Variants in INTS8 observed in about 807,000 individuals in gnomAD.
INTS8 encodes the protein integrator complex subunit 8, also known as protein kaonashi-1.
INTS8 carries 47 observed loss-of-function variants against 138.9 expected under a neutral mutation model. That is an observed-to-expected ratio of 0.34 (90% CI 0.27 to 0.43). The LOEUF (loss-of-function observed/expected upper bound fraction) is 0.43. Among genes scored for constraint, INTS8 ranks in the 20% least tolerant of loss-of-function variants. The probability of loss-of-function intolerance (pLI) is 1.00; values close to 1 mark genes in which losing one functional copy is unlikely to be tolerated. For missense variants in INTS8, 996 were observed against 1,173.0 expected (o/e 0.85, Z 2.20); for synonymous variants, 392 against 400.9 (o/e 0.98, Z 0.27).
intron 6 of INTS8, among the ~76,000 whole-genome samples, chr8:94,833,032 CT>C (rs945608953): frequency 8.1e-5 from 12 of 148,976 alleles, no homozygotes; most frequent in South Asian, 2.1e-4. Flanking sequence ...CTCTCTCTCT[CT>C]TTTTTTTTTA....
chr8:94,879,152 C>T (rs1363390264), intron 26 of INTS8, among the ~76,000 whole-genome samples: 23 of 152,210 alleles, frequency 1.5e-4, no homozygotes, highest in Admixed American at 1.5e-3. Context: ...TCTGGTTATA[C>T]TCTACTACCA....
intron 2 of INTS8, among the ~76,000 whole-genome samples, chr8:94,826,349 T>C (rs1027783502): frequency 3.3e-5 from 5 of 152,144 alleles, no homozygotes; most frequent in South Asian, 2.1e-4. Flanking sequence ...TGGCGCGATA[T>C]TCGCTCACTG....
At chr8:94,832,604 G>C (rs530145522) in intron 6 of INTS8, among the ~76,000 whole-genome samples, 1 of 152,080 alleles carries the variant, frequency 6.6e-6, no homozygotes, top group African/African-American at 2.4e-5. Context: ...TGGGCCCCTT[G>C]TTCCTTTCAC....
At chr8:94,866,985 T>G in intron 18 of INTS8, 155 bp from the exon 19 acceptor site, 2 of 583,062 alleles carry the variant, frequency 3.4e-6, no homozygotes, top group Non-Finnish European at 6.0e-6. Context: ...ATTAAAAAGT[T>G]GATTTTTAGT....
intron 21 of INTS8, 67 bp downstream of exon 21, chr8:94,872,069 A>AT (rs945614879): frequency 5.4e-6 from 4 of 742,298 alleles, no homozygotes; most frequent in Non-Finnish European, 9.4e-6. Flanking sequence ...AAGTAAATAT[A>AT]TAACCTATTT....
At chr8:94,847,452 G>C (rs1239952207) in intron 10 of INTS8, among the ~76,000 whole-genome samples, 1 of 152,064 alleles carries the variant, frequency 6.6e-6, no homozygotes, top group African/African-American at 2.4e-5. Flanking sequence ...GGAAAAGTTT[G>C]TGTAAAAATG....
intron 10 of INTS8, among the ~76,000 whole-genome samples, chr8:94,846,525 C>G (rs1167009961): frequency 2.0e-5 from 3 of 152,194 alleles, no homozygotes; most frequent in Non-Finnish European, 2.9e-5. Flanking sequence ...CCACCCGCCT[C>G]AGCCTCCCAG....
At chr8:94,867,251 C>T in intron 19 of INTS8, 25 bp from the exon 20 acceptor site, 1 of 1,600,820 alleles carries the variant, frequency 6.2e-7, no homozygotes, top group Non-Finnish European at 8.5e-7. Context: ...CTTTGTAAAT[C>T]ACACCTTTTT....
At position 94,880,243 on chromosome 8, in the gene INTS8, A is replaced by T. The variant is rs752360652; in HGVS notation, c.*9A>T. On this transcript the variant is annotated 3_prime_UTR_variant, in exon 27 of 27. Transcript: ENST00000523731. Reference sequence around the variant, plus strand: ...CAAAACTTTACTTTTAAGCAGTTAAATTTTTTTAACTTTTATTTTTTAAAC... The same window carrying T: ...CAAAACTTTACTTTTAAGCAGTTAATTTTTTTTAACTTTTATTTTTTAAAC... 70 of 1,504,392 alleles carry T rather than the reference A, an allele frequency of 4.7e-5. No homozygotes were observed. The Middle Eastern group carries it at 6.9e-4, about 15-fold the overall frequency. 93.2% of individuals were successfully genotyped at this position (1,504,392 alleles called of 1,614,324 possible). A position where few individuals can be genotyped will look rare whatever the true frequency, so the allele number is the denominator to read the frequency against.
At chr8:94,876,767 G>T in intron 26 of INTS8, 1 of 299,250 alleles carries the variant, frequency 3.3e-6, no homozygotes, top group Non-Finnish European at 6.1e-6. Flanking sequence ...GCTTTATAAG[G>T]CTATATACAA....
chr8:94,832,897 G>A (rs1305971692), intron 6 of INTS8, among the ~76,000 whole-genome samples: 2 of 151,988 alleles, frequency 1.3e-5, no homozygotes, highest in South Asian at 2.1e-4. Context: ...CTCGTGATCC[G>A]CCCGCCTCGG....
chr8:94,863,858 T>G (rs947446002), intron 16 of INTS8, among the ~76,000 whole-genome samples: 1 of 152,228 alleles, frequency 6.6e-6, no homozygotes, highest in African/African-American at 2.4e-5. Context: ...AAGAGTATTT[T>G]AGGTAAGCTT....
chr8:94,824,788 C>A, intron 1 of INTS8, 105 bp from the exon 2 acceptor site: 1 of 103,266 alleles, frequency 9.7e-6, no homozygotes, highest in Non-Finnish European at 2.0e-5. Flanking sequence ...CCAAACTCCC[C>A]CCCCCCCCAC....
chr8:94,869,504 A>T (rs1475876015), intron 20 of INTS8, among the ~76,000 whole-genome samples: 1 of 150,224 alleles, frequency 6.7e-6, no homozygotes, highest in Non-Finnish European at 1.5e-5. Flanking sequence ...TTTTATTTTT[A>T]TTTTTTGAGA....
intron 15 of INTS8, among the ~76,000 whole-genome samples, chr8:94,857,630 C>T (rs935195861): frequency 6.6e-6 from 1 of 152,224 alleles, no homozygotes; most frequent in African/African-American, 2.4e-5. Context: ...CTTGCGTCTT[C>T]CTAGCTTCTG....
chr8:94,870,082 T>C (rs900492573), intron 20 of INTS8, among the ~76,000 whole-genome samples: 26 of 151,844 alleles, frequency 1.7e-4, no homozygotes, highest in Non-Finnish European at 2.9e-4. Context: ...GATGGAGTCT[T>C]GCTATGTCAC....
rs1816208010 is a variant in INTS8, at chr8:94,867,156, C to T, written c.2312C>T (p.Thr771Ile). The part of the protein sequence containing the change: ...IKKLREPLVL[T>I]IILSLFVKLH... Reference sequence around the variant, plus strand: ...TTCTCATAGGAACCACTCGTTTTGACTATTATTTTATCACTCTTTGTGAAA... The same window carrying T: ...TTCTCATAGGAACCACTCGTTTTGATTATTATTTTATCACTCTTTGTGAAA... The change falls in exon 19 of 27, where the codon ACT (threonine) becomes ATT (isoleucine). Residue 771 changes from threonine to isoleucine, a missense_variant. Physicochemically the swap from Thr to Ile is moderately conservative, Grantham distance 89. Coordinates refer to ENST00000523731, the MANE Select transcript of INTS8 (RefSeq NM_017864.4). 8 of 1,609,022 alleles carry T rather than the reference C, an allele frequency of 5.0e-6. No homozygotes were observed. The highest frequency in any genetic ancestry group is 6.8e-6 in the Non-Finnish European group (8 of 1,176,802).
intron 15 of INTS8, among the ~76,000 whole-genome samples, chr8:94,857,815 A>G (rs564195983): frequency 2.6e-4 from 39 of 152,344 alleles, no homozygotes; most frequent in African/African-American, 9.1e-4. Flanking sequence ...TGCAAAGACT[A>G]TTTCCAAATA....
intron 11 of INTS8, 151 bp from the exon 12 acceptor site, chr8:94,849,765 A>G (rs1217025821): frequency 1.6e-6 from 1 of 611,606 alleles, no homozygotes; most frequent in African/African-American, 1.9e-5. Flanking sequence ...ATAAGGACCA[A>G]AGGGAAATTT....
Sources: gnomAD v4.1 joint callset for allele counts (sites outside exome capture counted in the v4.1 genomes callset) on GRCh38, gnomAD v4.1.1 for gene constraint, MANE v1.5 for transcripts, NCBI Gene and HGNC (gene_info 2026-07-23, HGNC 2026-07-21) for gene names.